DRC11: variants seen among roughly 807,000 people sequenced by gnomAD.
DRC11 encodes IQ and AAA domain-containing protein 1.
the DRC11 span, among the ~76,000 whole-genome samples, chr2:236,491,323 G>A: frequency 7.0e-6 from 1 of 143,450 alleles, no homozygotes. Context: ...GACACCAAAG[G>A]CCATGGGGAA....
the DRC11 span, among the ~76,000 whole-genome samples, chr2:236,388,944 G>C: frequency 0.01 from 1,531 of 152,300 alleles, 8 homozygotes; most frequent in Non-Finnish European, 0.017. Flanking sequence ...GTATGCCCCT[G>C]CTGGGGGGTG....
the DRC11 span, among the ~76,000 whole-genome samples, chr2:236,341,376 AAGG>A: frequency 2.0e-5 from 3 of 152,172 alleles, no homozygotes; most frequent in African/African-American, 7.2e-5. Context: ...GAGGAGGAGA[AAGG>A]AGCGGGCCTG....
At chr2:236,449,731 G>T in the DRC11 span, among the ~76,000 whole-genome samples, 6 of 152,186 alleles carry the variant, frequency 3.9e-5, no homozygotes. The surrounding 1 kb of genome is among the most constrained non-coding windows in gnomAD (Gnocchi z 5.1). Flanking sequence ...CTCTCTTGGA[G>T]GCCTATTTCT....
the DRC11 span, among the ~76,000 whole-genome samples, chr2:236,479,130 G>T: frequency 6.6e-6 from 1 of 152,094 alleles, no homozygotes; most frequent in Non-Finnish European, 1.5e-5. The surrounding 1 kb of genome is among the most constrained non-coding windows in gnomAD (Gnocchi z 4.1). Context: ...TGGCCAGTTT[G>T]TAGTCTATTT....
the DRC11 span, chr2:236,507,344 G>A: frequency 2.1e-5 from 31 of 1,491,810 alleles, no homozygotes; most frequent in Non-Finnish European, 2.4e-5. Context: ...GGCAGCAGGG[G>A]TCAGGGCACT....
At chr2:236,504,452 T>C in the DRC11 span, among the ~76,000 whole-genome samples, 1 of 152,194 alleles carries the variant, frequency 6.6e-6, no homozygotes, top group South Asian at 2.1e-4. This position sits in a 1 kb window ranked among gnomAD's most constrained non-coding sequence, Gnocchi z 5.0. Context: ...TTATTTTCCC[T>C]GGGTAGGGCA....
the DRC11 span, among the ~76,000 whole-genome samples, chr2:236,372,509 G>A: frequency 2.0e-5 from 3 of 152,016 alleles, no homozygotes; most frequent in Non-Finnish European, 2.9e-5. This position sits in a 1 kb window ranked among gnomAD's most constrained non-coding sequence, Gnocchi z 4.5. Flanking sequence ...CAAAGAACAC[G>A]TTTACTTAAA....
the DRC11 span, among the ~76,000 whole-genome samples, chr2:236,502,283 A>G: frequency 2.0e-5 from 3 of 152,206 alleles, no homozygotes; most frequent in East Asian, 1.9e-4. Context: ...AAATACATCA[A>G]TTAGTACAGC....
the DRC11 span, among the ~76,000 whole-genome samples, chr2:236,458,356 G>C: frequency 6.6e-6 from 1 of 152,196 alleles, no homozygotes. Flanking sequence ...GCTTAAGTGT[G>C]AAGCAAGAGA....
At chr2:236,429,035 G>A in the DRC11 span, among the ~76,000 whole-genome samples, 1 of 152,194 alleles carries the variant, frequency 6.6e-6, no homozygotes, top group South Asian at 2.1e-4. The surrounding 1 kb of genome is among the most constrained non-coding windows in gnomAD (Gnocchi z 5.9). Context: ...ATTTCAAGAA[G>A]TAGTCACCTC....
At chr2:236,401,028 C>T in the DRC11 span, among the ~76,000 whole-genome samples, 5 of 152,244 alleles carry the variant, frequency 3.3e-5, no homozygotes, top group East Asian at 1.9e-4. This position sits in a 1 kb window ranked among gnomAD's most constrained non-coding sequence, Gnocchi z 4.6. Context: ...CCTGGCCTTA[C>T]GACTTCCTTC....
the DRC11 span, among the ~76,000 whole-genome samples, chr2:236,322,281 C>T: frequency 7.4e-6 from 1 of 134,338 alleles, no homozygotes; most frequent in Non-Finnish European, 1.5e-5. Flanking sequence ...GTTGCCCAGG[C>T]TGTAGTGCAG....
chr2:236,359,373 A>T, the DRC11 span, among the ~76,000 whole-genome samples: 1 of 152,180 alleles, frequency 6.6e-6, no homozygotes, highest in Non-Finnish European at 1.5e-5. This position sits in a 1 kb window ranked among gnomAD's most constrained non-coding sequence, Gnocchi z 4.3. Context: ...AATGGATTTG[A>T]ATTTACAGTT....
chr2:236,409,656 G>A, the DRC11 span, among the ~76,000 whole-genome samples: 1 of 152,014 alleles, frequency 6.6e-6, no homozygotes, highest in Non-Finnish European at 1.5e-5. Context: ...TTGAATAGGA[G>A]TGGTGAGAGA....
At chr2:236,433,849 T>C in the DRC11 span, among the ~76,000 whole-genome samples, 18 of 152,330 alleles carry the variant, frequency 1.2e-4, no homozygotes, top group Non-Finnish European at 2.5e-4. Context: ...CTAGTGGAAA[T>C]GTTTCTAGTG....
the DRC11 span, among the ~76,000 whole-genome samples, chr2:236,491,436 G>T: frequency 6.6e-6 from 1 of 151,224 alleles, no homozygotes; most frequent in African/African-American, 2.4e-5. Flanking sequence ...GATAGGGGCT[G>T]GCCAAAGCTG....
At chr2:236,419,268 T>A in the DRC11 span, 2 of 1,528,878 alleles carry the variant, frequency 1.3e-6, no homozygotes, top group African/African-American at 1.4e-5. The surrounding 1 kb of genome is among the most constrained non-coding windows in gnomAD (Gnocchi z 4.8). Context: ...ATATCCTCAA[T>A]AACCTAGTGA....
chr2:236,334,458 G>A, the DRC11 span, among the ~76,000 whole-genome samples: 3 of 152,172 alleles, frequency 2.0e-5, no homozygotes, highest in African/African-American at 7.2e-5. The surrounding 1 kb of genome is among the most constrained non-coding windows in gnomAD (Gnocchi z 7.8). Context: ...TGTTGGTGAA[G>A]ACCAAGGCTA....
the DRC11 span, among the ~76,000 whole-genome samples, chr2:236,411,499 G>T: frequency 1.3e-5 from 2 of 152,000 alleles, no homozygotes; most frequent in Admixed American, 1.3e-4. Flanking sequence ...AATTTCTCAG[G>T]GATCTAGAAC....
Sources: allele counts gnomAD v4.1 joint callset (sites outside exome capture counted in the v4.1 genomes callset), GRCh38; gene constraint gnomAD v4.1.1; non-coding constraint Gnocchi (gnomAD v3.1); transcripts MANE v1.5; gene names NCBI Gene and HGNC (gene_info 2026-07-23, HGNC 2026-07-21).